PRSS33: variants seen among roughly 807,000 people sequenced by gnomAD.
The protein encoded by PRSS33 is protease, serine 33.
Under a neutral mutation model 26.7 loss-of-function variants are expected in PRSS33, and 32 were observed. The ratio of observed to expected loss-of-function variants is 1.20; its 90% CI spans 0.90 to 1.61. The LOEUF (loss-of-function observed/expected upper bound fraction) is 1.61, where lower values mean the gene tolerates loss of function less well. PRSS33 is among the 40% of genes most tolerant of loss of function. PRSS33 has a pLI of 0.00. For synonymous variants in PRSS33, 192 were observed against 177.6 expected (o/e 1.08, Z -0.64); for missense variants, 450 against 396.3 (o/e 1.14, Z -1.15).
chr16:2,785,103 C>G lies in PRSS33; in HGVS notation c.583G>C (p.Gly195Arg). ...ACGTCCGCGCCCACGTGGTAGAGGC[C>G]GTCGCAGGTGCGCGAGTCCAGCAGC... is the stretch of plus-strand genomic sequence containing the variant. ...VPLLDSRTCD[G>R]LYHVGADVPQ... Residue 195 changes from glycine to arginine, a missense_variant, in exon 6 of 7, where the codon GGC becomes CGC. Coordinates refer to ENST00000682474, the MANE Select transcript of PRSS33 (RefSeq NM_152891.3). 7.1e-6 allele frequency: 11 copies of G among 1,551,958 alleles called. No individual in the cohort carries two copies. The highest frequency in any genetic ancestry group is 8.7e-6 in the Non-Finnish European group (10 of 1,151,090).
chr16:2,785,047 C>A lies in PRSS33; in HGVS notation c.639G>T (p.Gly213=). ...VPQAERIVLP[G]SLCAGYPQGH... The stretch of plus-strand genomic sequence containing the variant: ...CCTGGGGGTAGCCGGCACACAGACT[C>A]CCAGGCAGCACAATGCGCTCAGCCT... Residue 213 remains glycine (G), a synonymous_variant, in exon 6 of 7, where the codon GGG becomes GGT. Transcript: ENST00000682474. 1 of 1,587,024 alleles carries A rather than the reference C, an allele frequency of 6.3e-7. No individual in the cohort carries two copies. The highest frequency in any genetic ancestry group is 8.6e-7 in the Non-Finnish European group (1 of 1,169,318).
rs192365384 is a variant in PRSS33, at chr16:2,784,830, C to G, written c.685-28G>C. 600 of 1,576,740 alleles carry G rather than the reference C, an allele frequency of 3.8e-4. 9 individuals carry two copies. In the East Asian group the frequency reaches 8.5e-3, roughly 22 times the overall value. Reference sequence around the variant, plus strand: ...GCAGGAGAAAGAGGAGCCTAAGTCCCAGCCCTCCCAGGACTTCAGTTCTCA... The same window carrying G: ...GCAGGAGAAAGAGGAGCCTAAGTCCGAGCCCTCCCAGGACTTCAGTTCTCA... On this transcript the variant is annotated intron_variant, in intron 6 of 6. Transcript: ENST00000682474.
At chr16:2,786,851 C>T in intron 1 of PRSS33, 1 of 266,892 alleles carries the variant, frequency 3.7e-6, no homozygotes. Context: ...CCTCGGTCAT[C>T]CTCACTCCCT....
chr16:2,786,692 G>T, intron 1 of PRSS33, 88 bp from the exon 2 acceptor site: 1 of 865,966 alleles, frequency 1.2e-6, no homozygotes, highest in Non-Finnish European at 1.8e-6. Context: ...TGGTCCTTCT[G>T]TCTGTCCTCA....
rs1213047526 is a variant in PRSS33 at position 2,785,508 on chromosome 16, C to T, written c.381G>A (p.Leu127=). 2 of 1,524,260 alleles carry T rather than the reference C, an allele frequency of 1.3e-6. No homozygotes were observed. Among genetic ancestry groups the T allele is most frequent in the Admixed American group, 2.0e-5 (1 of 50,400 alleles). 94.4% of individuals were successfully genotyped at this position (1,524,260 alleles called of 1,614,324 possible). Residue 127 remains leucine (L), a synonymous_variant, in exon 5 of 7, where the codon CTG becomes CTA. Transcript: ENST00000682474. The part of the protein sequence containing the change: ...DYSEDGARGD[L]ALLQLRRPVP... ...CCGGGCGACGCAGCTGCAGCAGTGC[C>T]AGGTCGCCGCGGGCCCCGTCCTCGG...
chr16:2,784,758 C>A lies in PRSS33; in HGVS notation c.729G>T (p.Trp243Cys). 1 of 1,609,302 alleles carries A rather than the reference C, an allele frequency of 6.2e-7. No homozygotes were observed. The highest frequency in any genetic ancestry group is 8.5e-7 in the Non-Finnish European group (1 of 1,178,128). Residue 243 changes from tryptophan (W) to cysteine (C), a missense_variant, in exon 7 of 7, where the codon TGG becomes TGT. Trp to Cys is a radical substitution (Grantham distance 215). Coordinates refer to ENST00000682474, the MANE Select transcript of PRSS33 (RefSeq NM_152891.3). Reference protein sequence around the residue: ...GPLTCLQSGSWVLVGVVSWGK... With the variant: ...GPLTCLQSGSCVLVGVVSWGK... ...CCCAGCTCACCACGCCCACCAGGAC[C>A]CAGCTCCCAGACTGCAGGCAGGTCA...
chr16:2,785,272 C>T (rs1488071171), intron 5 of PRSS33, 101 bp from the exon 6 acceptor site: 6 of 1,447,756 alleles, frequency 4.1e-6, no homozygotes, highest in Non-Finnish European at 5.5e-6. Flanking sequence ...CTAGAAGCCG[C>T]GCTGGGTCCT....
intron 6 of PRSS33, 39 bp from the exon 7 acceptor site, chr16:2,784,841 G>A (rs769035546): frequency 7.0e-6 from 11 of 1,568,188 alleles, no homozygotes; most frequent in African/African-American, 1.4e-5. Flanking sequence ...AGCCCTCCCA[G>A]GACTTCAGTT....
At chr16:2,787,117 C>CCTCT (rs55935795) in intron 1 of PRSS33, among the ~76,000 whole-genome samples, 211 of 2,332 alleles carry the variant, frequency 0.09, 82 homozygotes, top group Middle Eastern at 0.25. Flanking sequence ...CTCATCCTCA[C>CCTCT]CTCTCATCCT....
At chr16:2,785,331 G>A in intron 5 of PRSS33, 44 bp downstream of exon 5, 8 of 1,457,856 alleles carry the variant, frequency 5.5e-6, no homozygotes, top group South Asian at 2.9e-5. Context: ...GGAGGAGGAC[G>A]TGGGGGCTCC....
In PRSS33 at chr16:2,785,083, C is replaced by G. The variant is rs886064602; in HGVS notation, c.603G>C (p.Ala201=). 2.6e-6 allele frequency: 4 copies of G among 1,563,706 alleles called. No individual in the cohort carries two copies. Among genetic ancestry groups the G allele is most frequent in the Non-Finnish European group, 3.5e-6 (4 of 1,157,350 alleles). The stretch of plus-strand genomic sequence containing the variant: ...CAATGCGCTCAGCCTGGGGCACGTC[C>G]GCGCCCACGTGGTAGAGGCCGTCGC... The part of the protein sequence containing the change: ...RTCDGLYHVG[A]DVPQAERIVL... Residue 201 remains alanine, a synonymous_variant, in exon 6 of 7, where the codon GCG becomes GCC. Coordinates refer to ENST00000682474, the MANE Select transcript of PRSS33 (RefSeq NM_152891.3).
intron 1 of PRSS33, 138 bp from the exon 2 acceptor site, chr16:2,786,742 T>G (rs2068878299): frequency 1.6e-6 from 1 of 606,336 alleles, no homozygotes. Context: ...TGGCCCAGGC[T>G]GTATACCCTT....
chr16:2,786,008 C>T (rs773679179), intron 3 of PRSS33, 47 bp from the exon 4 acceptor site: 2 of 1,612,966 alleles, frequency 1.2e-6, no homozygotes, highest in African/African-American at 2.7e-5. Flanking sequence ...GACCTGGGGC[C>T]TGGGAGGCAG....
intron 5 of PRSS33, 64 bp from the exon 6 acceptor site, chr16:2,785,235 G>T (rs894835456): frequency 6.1e-6 from 9 of 1,469,534 alleles, no homozygotes; most frequent in Non-Finnish European, 8.2e-6. Flanking sequence ...GAGAAGCTGA[G>T]CTCTGAGTGA....
intron 1 of PRSS33, among the ~76,000 whole-genome samples, chr16:2,787,098 A>C (rs1450956078): frequency 3.8e-4 from 1 of 2,644 alleles, no homozygotes; most frequent in Non-Finnish European, 6.8e-4. Flanking sequence ...CCTCATCCTC[A>C]CCCCCTCCCT....
At chr16:2,786,362 G>A (rs1052591827) in intron 2 of PRSS33, 140 bp downstream of exon 2, 4 of 1,037,336 alleles carry the variant, frequency 3.9e-6, no homozygotes, top group African/African-American at 1.6e-5. Context: ...AAGGTCAGTG[G>A]CAGAGAGGAT....
intron 5 of PRSS33, 102 bp from the exon 6 acceptor site, chr16:2,785,273 G>A (rs1336961063): frequency 2.1e-6 from 3 of 1,445,782 alleles, no homozygotes; most frequent in Non-Finnish European, 2.8e-6. Context: ...TAGAAGCCGC[G>A]CTGGGTCCTG....
chr16:2,786,335 C>A (rs545509840), intron 2 of PRSS33, among the ~76,000 whole-genome samples, 167 bp downstream of exon 2: 30 of 152,212 alleles, frequency 2.0e-4, no homozygotes, highest in Non-Finnish European at 3.4e-4. Context: ...ACAAGCACAT[C>A]GAGGTGTGGT....
chr16:2,785,097 A>G lies in PRSS33; in HGVS notation c.589T>C (p.Tyr197His). 1.3e-6 allele frequency: 2 copies of G among 1,554,846 alleles called. No individual in the cohort carries two copies. The highest frequency in any genetic ancestry group is 1.7e-6 in the Non-Finnish European group (2 of 1,152,482). Reference protein sequence around the residue: ...LLDSRTCDGLYHVGADVPQAE... With the variant: ...LLDSRTCDGLHHVGADVPQAE... ...TGGGGCACGTCCGCGCCCACGTGGT[A>G]GAGGCCGTCGCAGGTGCGCGAGTCC... is the stretch of plus-strand genomic sequence containing the variant. Residue 197 changes from tyrosine to histidine, a missense_variant, in exon 6 of 7, where the codon TAC (tyrosine) becomes CAC (histidine). By Grantham distance (83) the Tyr-to-His change is moderately conservative. Coordinates refer to ENST00000682474, the MANE Select transcript of PRSS33 (RefSeq NM_152891.3).
Sources: allele counts gnomAD v4.1 joint callset (sites outside exome capture counted in the v4.1 genomes callset), GRCh38; gene constraint gnomAD v4.1.1; transcripts MANE v1.5; gene names NCBI Gene and HGNC (gene_info 2026-07-23, HGNC 2026-07-21).